Variants in AOPEP observed in about 807,000 individuals in gnomAD.
AOPEP encodes aminopeptidase O (putative).
In AOPEP, 77 loss-of-function variants were observed where a neutral mutation model predicts 98.1. The ratio of observed to expected loss-of-function variants is 0.78; its 90% CI spans 0.65 to 0.95. The LOEUF (loss-of-function observed/expected upper bound fraction) is 0.95, where lower values mean the gene tolerates loss of function less well. AOPEP is among the 40% of genes least tolerant of loss of function. AOPEP has a pLI of 0.00. For missense variants in AOPEP, 1,024 were observed against 1,024.7 expected (o/e 1.00, Z 0.01); for synonymous variants, 346 against 365.3 (o/e 0.95, Z 0.60).
intron 14 of AOPEP, among the ~76,000 whole-genome samples, chr9:95,076,105 C>T (rs1471991352): frequency 1.3e-5 from 2 of 152,218 alleles, no homozygotes; most frequent in Non-Finnish European, 2.9e-5. Flanking sequence ...ACTGTCCCCA[C>T]CTTTCTAATT....
chr9:95,107,359 C>G, the AOPEP span: 1 of 1,417,664 alleles, frequency 7.1e-7, no homozygotes, highest in South Asian at 1.2e-5. Flanking sequence ...AAACAACCCC[C>G]AGAAACGGGT....
chr9:94,746,675 T>G (rs887892487), intron 1 of AOPEP, among the ~76,000 whole-genome samples: 2 of 152,176 alleles, frequency 1.3e-5, no homozygotes, highest in South Asian at 4.1e-4. Flanking sequence ...GCTGATAATG[T>G]GAGCATAAAC....
chr9:95,007,467 C>T (rs1458686586), intron 13 of AOPEP, among the ~76,000 whole-genome samples: 1 of 151,994 alleles, frequency 6.6e-6, no homozygotes, highest in South Asian at 2.1e-4. Context: ...CAAGCTCTTG[C>T]GTTAAAACTT....
the AOPEP span, chr9:95,111,158 C>T: frequency 7.2e-5 from 111 of 1,535,282 alleles, no homozygotes; most frequent in Middle Eastern, 1.3e-3. Context: ...TTGGAGGACG[C>T]GACCCTGGGG....
chr9:94,933,074 T>G, intron 7 of AOPEP: 1 of 985,606 alleles, frequency 1.0e-6, no homozygotes, highest in Non-Finnish European at 1.2e-6. Flanking sequence ...TCTCTGGCCC[T>G]GGGCAGAACT....
chr9:94,817,904 G>C (rs1852057712), intron 5 of AOPEP, among the ~76,000 whole-genome samples: 1 of 152,186 alleles, frequency 6.6e-6, no homozygotes, highest in Admixed American at 6.5e-5. Flanking sequence ...TTCCCAGCCA[G>C]GGTCAGTGTT....
At chr9:95,083,730 C>G (rs1466956625) in intron 16 of AOPEP, among the ~76,000 whole-genome samples, 1 of 152,220 alleles carries the variant, frequency 6.6e-6, no homozygotes, top group Non-Finnish European at 1.5e-5. Flanking sequence ...ACACACAGTG[C>G]ACGCACCACA....
At chr9:94,727,075 C>G (rs548509726) in intron 1 of AOPEP, among the ~76,000 whole-genome samples, 2 of 152,212 alleles carry the variant, frequency 1.3e-5, no homozygotes, top group Non-Finnish European at 2.9e-5. Context: ...TCCAGGCCCT[C>G]GGTCACCTGC....
the AOPEP span, chr9:95,107,315 C>T: frequency 2.5e-6 from 4 of 1,576,626 alleles, no homozygotes; most frequent in Non-Finnish European, 3.5e-6. Flanking sequence ...AGAGGCAGGA[C>T]AGACATACTT....
At chr9:95,144,867 C>T in the AOPEP span, among the ~76,000 whole-genome samples, 1 of 152,324 alleles carries the variant, frequency 6.6e-6, no homozygotes, top group South Asian at 2.1e-4. Flanking sequence ...CGCACGTTCA[C>T]AACGCCCTTT....
intron 5 of AOPEP, among the ~76,000 whole-genome samples, chr9:94,854,274 T>C (rs1353136469): frequency 6.6e-6 from 1 of 152,190 alleles, no homozygotes; most frequent in Non-Finnish European, 1.5e-5. Context: ...CAATTTCTTA[T>C]AAAAATGAAG....
intron 5 of AOPEP, among the ~76,000 whole-genome samples, chr9:94,838,714 C>T (rs376178024): frequency 1.3e-5 from 2 of 152,278 alleles, no homozygotes; most frequent in East Asian, 3.9e-4. Flanking sequence ...CCCAGTGTCT[C>T]TTCCAGATGA....
At chr9:95,093,773 G>GCATCGC in the AOPEP span, among the ~76,000 whole-genome samples, 1 of 152,150 alleles carries the variant, frequency 6.6e-6, no homozygotes, top group Non-Finnish European at 1.5e-5. Context: ...TCGCTTCTCT[G>GCATCGC]TGTCGATGGC....
intron 13 of AOPEP, chr9:95,048,779 A>T (rs562417129): frequency 2.8e-4 from 42 of 152,340 alleles, no homozygotes; most frequent in African/African-American, 8.4e-4. Flanking sequence ...ATTCAAGGGC[A>T]TAGGCGTCGG....
chr9:95,125,108 G>A, the AOPEP span: 22 of 1,614,034 alleles, frequency 1.4e-5, no homozygotes, highest in African/African-American at 2.4e-4. Flanking sequence ...TTTCTCCAGA[G>A]CTTCTACAAA....
At chr9:95,010,523 C>T (rs1589253513) in intron 13 of AOPEP, among the ~76,000 whole-genome samples, 3 of 152,212 alleles carry the variant, frequency 2.0e-5, no homozygotes, top group African/African-American at 7.2e-5. Context: ...GCCACTGAGG[C>T]AACATTGCAG....
rs200376547 is a variant in AOPEP at position 94,792,838 on chromosome 9, G to T, written c.1038G>T (p.Trp346Cys). 6.2e-7 allele frequency: 1 copy of T among 1,613,790 alleles called. No homozygotes were observed. Among genetic ancestry groups the T allele is most frequent in the Admixed American group, 1.7e-5 (1 of 59,994 alleles). Residue 346 changes from tryptophan to cysteine, a missense_variant, in exon 4 of 17, where the codon TGG becomes TGT. This residue lies in a region of AOPEP where 440 missense variants were observed against 433.8 expected (regional missense o/e 1.01). Coordinates refer to ENST00000375315, the MANE Select transcript of AOPEP (RefSeq NM_001193329.3). ...CCTTCACAATTGCAGTGGGATGCTGGACAGAAATGAAGATGGAGACATGGT... is the reference window on the plus strand; with the variant it reads ...CCTTCACAATTGCAGTGGGATGCTGTACAGAAATGAAGATGGAGACATGGT... ...ASTFTIAVGCWTEMKMETWSS... is the reference protein window; with the variant it reads ...ASTFTIAVGCCTEMKMETWSS...
intron 5 of AOPEP, among the ~76,000 whole-genome samples, chr9:94,872,258 G>A (rs1336362657): frequency 6.6e-6 from 1 of 152,142 alleles, no homozygotes; most frequent in African/African-American, 2.4e-5. Flanking sequence ...CTAAACGGGG[G>A]CAGTAGTCAT....
intron 5 of AOPEP, among the ~76,000 whole-genome samples, chr9:94,827,537 TCTTTTCTTCCTACACATTTC>T (rs1854911425): frequency 6.6e-6 from 1 of 152,226 alleles, no homozygotes. Context: ...ACATAGACTG[TCTTTTCTTCCTACACATTTC>T]CTTACACTGA....
Sources: allele counts gnomAD v4.1 joint callset (sites outside exome capture counted in the v4.1 genomes callset), GRCh38; gene constraint gnomAD v4.1.1; regional missense constraint gnomAD v4.1.1; transcripts MANE v1.5; gene names NCBI Gene and HGNC (gene_info 2026-07-23, HGNC 2026-07-21).